ITGB2: variants seen among roughly 807,000 people sequenced by gnomAD.
The protein encoded by ITGB2 is integrin subunit beta 2.
In ITGB2, 56 loss-of-function variants were observed where a neutral mutation model predicts 86.8. The observed-to-expected ratio is 0.65, with a 90% CI of 0.52 to 0.81. The LOEUF (loss-of-function observed/expected upper bound fraction) is 0.81. ITGB2 is among the 30% of genes least tolerant of loss of function. The probability of loss-of-function intolerance (pLI) is 0.00; values close to 1 mark genes in which losing one functional copy is unlikely to be tolerated. For missense variants in ITGB2, 948 were observed against 1,061.2 expected, an observed-to-expected ratio of 0.89 and a Z score of 1.48; for synonymous variants, 457 against 450.4, an observed-to-expected ratio of 1.01 and a Z score of -0.19.
intron 9 of ITGB2, 109 bp from the exon 10 acceptor site, chr21:44,893,653 C>G: frequency 7.1e-7 from 1 of 1,415,276 alleles, no homozygotes; most frequent in Non-Finnish European, 9.9e-7. Context: ...TGCAAGTCCC[C>G]AGTGTCAGCT....
chr21:44,903,745 C>G (rs1833047086), intron 4 of ITGB2, among the ~76,000 whole-genome samples: 1 of 152,152 alleles, frequency 6.6e-6, no homozygotes, highest in Non-Finnish European at 1.5e-5. Flanking sequence ...GACATGACTC[C>G]CGGACGCAGG....
chr21:44,926,150 A>T (rs568177434), intron 1 of ITGB2, among the ~76,000 whole-genome samples: 147 of 151,776 alleles, frequency 9.7e-4, no homozygotes, highest in South Asian at 1.9e-3. Context: ...AATTAATTAA[A>T]TAAAGGCTGG....
At chr21:44,907,229 T>TCTCTGTCCACAG in intron 3 of ITGB2, 134 bp from the exon 4 acceptor site, 1 of 675,204 alleles carries the variant, frequency 1.5e-6, no homozygotes, top group Non-Finnish European at 2.5e-6. Context: ...GAAGTCCCTG[T>TCTCTGTCCACAG]GGACAGAGAC....
At chr21:44,910,808 T>C (rs773164221) in intron 1 of ITGB2, 23 bp from the exon 2 acceptor site, 1 of 1,609,898 alleles carries the variant, frequency 6.2e-7, no homozygotes, top group Non-Finnish European at 8.5e-7. Flanking sequence ...GGGGTCTTGG[T>C]GACGGTCTCA....
intron 1 of ITGB2, among the ~76,000 whole-genome samples, chr21:44,916,445 G>A (rs1169618074): frequency 2.0e-5 from 3 of 152,240 alleles, no homozygotes; most frequent in African/African-American, 2.4e-5. Context: ...ACGTGAGGCC[G>A]AGGCCCCGGA....
At chr21:44,918,386 G>A (rs1332933355) in intron 1 of ITGB2, among the ~76,000 whole-genome samples, 1 of 152,256 alleles carries the variant, frequency 6.6e-6, no homozygotes, top group Non-Finnish European at 1.5e-5. Context: ...CTGGTACCTG[G>A]TGGGGCCCGG....
rs996830455 is a variant in ITGB2 at position 44,891,642 on chromosome 21, G to T, written c.1412+167C>A. ...GGTGAGGGCTTGCCGAGGGGTTCTG[G>T]GTTCCAATCCCAAATCTCCCCACCT... On this transcript the variant is annotated intron_variant, in intron 11 of 15. Coordinates refer to ENST00000652462, the MANE Select transcript of ITGB2 (RefSeq NM_000211.5). Among the ~76,000 whole-genome samples, 11 of 152,188 alleles carry T rather than the reference G, an allele frequency of 7.2e-5. 1 individual carries two copies. Among genetic ancestry groups the T allele is most frequent in the African/African-American group, 2.4e-4 (10 of 41,448 alleles).
At chr21:44,888,004 G>C (rs1777261494) in intron 14 of ITGB2, among the ~76,000 whole-genome samples, 1 of 152,232 alleles carries the variant, frequency 6.6e-6, no homozygotes, top group African/African-American at 2.4e-5. Context: ...GGAGCCTGTG[G>C]AACATGAGAC....
At chr21:44,902,900 G>C (rs2083986778) in intron 5 of ITGB2, among the ~76,000 whole-genome samples, 1 of 152,260 alleles carries the variant, frequency 6.6e-6, no homozygotes, top group Admixed American at 6.5e-5. Flanking sequence ...CGGCGGGGAA[G>C]ACATGCGCTG....
chr21:44,907,222 G>T (rs2084057960), intron 3 of ITGB2, 127 bp from the exon 4 acceptor site: 1 of 701,944 alleles, frequency 1.4e-6, no homozygotes, highest in Non-Finnish European at 2.3e-6. Context: ...TGGGACAGAA[G>T]TCCCTGTGGA....
intron 8 of ITGB2, among the ~76,000 whole-genome samples, chr21:44,896,730 G>T (rs1233964658): frequency 1.3e-5 from 2 of 152,316 alleles, no homozygotes; most frequent in South Asian, 4.1e-4. Flanking sequence ...CACTCGGAGG[G>T]GGCGTGGCAC....
intron 8 of ITGB2, among the ~76,000 whole-genome samples, chr21:44,898,008 C>A (rs1880414354): frequency 6.6e-6 from 1 of 152,326 alleles, no homozygotes; most frequent in South Asian, 2.1e-4. Context: ...CGGCTGAGCT[C>A]CTGAGAGGTA....
chr21:44,897,775 TG>T (rs1445858293), intron 8 of ITGB2, among the ~76,000 whole-genome samples: 1 of 152,194 alleles, frequency 6.6e-6, no homozygotes, highest in Non-Finnish European at 1.5e-5. Context: ...ACGGGGCACG[TG>T]GCTGTGTAAA....
In ITGB2 at chr21:44,900,380, C is replaced by G; in HGVS notation, c.837G>C (p.Leu279=). The G allele has an allele frequency of 3.7e-6, 6 of 1,614,174 alleles. No individual in the cohort carries two copies. In the South Asian group the frequency reaches 6.6e-5, roughly 18 times the overall value. Residue 279 remains leucine (L), a synonymous_variant, in exon 7 of 16, where the codon CTG becomes CTC. Coordinates refer to ENST00000652462, the MANE Select transcript of ITGB2 (RefSeq NM_000211.5). ...GGTGACAGCGGCCGTCGTTGGGGGT[C>G]AGGATGGCGCCCAGCTTCCCGTCGC... is the stretch of plus-strand genomic sequence containing the variant. The part of the protein sequence containing the change: ...FAGDGKLGAI[L]TPNDGRCHLE...
intron 14 of ITGB2, 96 bp downstream of exon 14, chr21:44,888,597 G>T: frequency 7.3e-7 from 1 of 1,378,954 alleles, no homozygotes; most frequent in Non-Finnish European, 1.0e-6. Flanking sequence ...CCACAACACT[G>T]GAGGTGAGAT....
chr21:44,900,390 C>T lies in ITGB2; in HGVS notation c.827G>A (p.Gly276Asp), dbSNP rs1207286440. ...GFHFAGDGKL[G>D]AILTPNDGRC... ...GCCGTCGTTGGGGGTCAGGATGGCG[C>T]CCAGCTTCCCGTCGCCCGCGAAATG... is the stretch of plus-strand genomic sequence containing the variant. Residue 276 changes from glycine to aspartate, a missense_variant, in exon 7 of 16, where the codon GGC becomes GAC. Coordinates refer to ENST00000652462, the MANE Select transcript of ITGB2 (RefSeq NM_000211.5). The T allele has an allele frequency of 3.1e-6, 5 of 1,614,144 alleles. No individual in the cohort carries two copies. The highest frequency in any genetic ancestry group is 4.2e-6 in the Non-Finnish European group (5 of 1,179,998).
rs774741644 is a variant in ITGB2 at position 44,903,499 on chromosome 21, G to A, written c.365C>T (p.Ala122Val). Residue 122 changes from alanine to valine, a missense_variant, in exon 5 of 16, where the codon GCC becomes GTC. Physicochemically the swap from Ala to Val is moderately conservative, Grantham distance 64. Coordinates refer to ENST00000652462, the MANE Select transcript of ITGB2 (RefSeq NM_000211.5). ...GTACAGGTCGATGGGGTAGCCCTTG[G>A]CCCGCCGGAAGGTCACGTTGAACGC... The part of the protein sequence containing the change: ...AAAFNVTFRR[A>V]KGYPIDLYYL... 1 of 1,614,104 alleles carries A rather than the reference G, an allele frequency of 6.2e-7. No individual in the cohort carries two copies. Among genetic ancestry groups the A allele is most frequent in the East Asian group, 2.2e-5 (1 of 44,878 alleles).
At chr21:44,905,065 A>G (rs1342720544) in intron 4 of ITGB2, among the ~76,000 whole-genome samples, 1 of 152,200 alleles carries the variant, frequency 6.6e-6, no homozygotes, top group Non-Finnish European at 1.5e-5. Flanking sequence ...AGCCAAGACC[A>G]TGTCCCCACG....
intron 1 of ITGB2, among the ~76,000 whole-genome samples, chr21:44,912,815 TC>T (rs2084154040): frequency 9.2e-6 from 1 of 109,140 alleles, no homozygotes; most frequent in Non-Finnish European, 2.1e-5. Context: ...GCTTCAGGAC[TC>T]CCCCAGGGTG....
Sources: allele counts gnomAD v4.1 joint callset (sites outside exome capture counted in the v4.1 genomes callset), GRCh38; gene constraint gnomAD v4.1.1; transcripts MANE v1.5; gene names NCBI Gene and HGNC (gene_info 2026-07-23, HGNC 2026-07-21).